ZMAT1: variants seen among roughly 807,000 people sequenced by gnomAD.
ZMAT1 encodes the protein zinc finger matrin-type protein 1.
A neutral mutation model predicts 18.5 loss-of-function variants in ZMAT1; 11 were observed. That is an observed-to-expected ratio of 0.59 (90% CI 0.37 to 0.98). The LOEUF is 0.98. ZMAT1 is among the 50% of genes least tolerant of loss of function. The pLI is 0.01. For synonymous variants in ZMAT1, 211 were observed against 176.4 expected (o/e 1.20, Z -1.55); for missense variants, 525 against 496.2 (o/e 1.06, Z -0.55).
chrX:101,917,689 T>A (rs1337386038), intron 1 of ZMAT1, among the ~76,000 whole-genome samples: 2 of 112,417 alleles, frequency 1.8e-5, no homozygotes, highest in Non-Finnish European at 3.8e-5. Flanking sequence ...CGCTGGGTAT[T>A]TACCCCAAAG....
chrX:101,898,338 C>G, intron 2 of ZMAT1, 118 bp from the exon 3 acceptor site: 1 of 554,807 alleles, frequency 1.8e-6, no homozygotes, highest in Non-Finnish European at 2.8e-6. Context: ...AAACTTGGTA[C>G]AGACTCACAT....
chrX:101,905,905 AC>A (rs1193308309), intron 1 of ZMAT1, among the ~76,000 whole-genome samples: 4 of 110,125 alleles, frequency 3.6e-5, no homozygotes, highest in Admixed American at 9.7e-5. Flanking sequence ...AAAAAAAAAA[AC>A]AAATATGTAG....
intron 1 of ZMAT1, among the ~76,000 whole-genome samples, chrX:101,922,763 C>T (rs1216656833): frequency 9.0e-6 from 1 of 110,889 alleles, no homozygotes; most frequent in Non-Finnish European, 1.9e-5. Flanking sequence ...ATGTTTCTTT[C>T]GATCCACCCG....
chrX:101,918,948 A>G (rs1163438528), intron 1 of ZMAT1, among the ~76,000 whole-genome samples: 6 of 110,907 alleles, frequency 5.4e-5, no homozygotes, highest in Non-Finnish European at 7.5e-5. Context: ...TAGTGCTCCT[A>G]TAACTTTTCG....
intron 2 of ZMAT1, among the ~76,000 whole-genome samples, chrX:101,899,979 T>G (rs904589672): frequency 8.9e-6 from 1 of 111,916 alleles, no homozygotes; most frequent in African/African-American, 3.3e-5. Flanking sequence ...TTATTTGATT[T>G]TTTTGATTAT....
intron 1 of ZMAT1, among the ~76,000 whole-genome samples, chrX:101,912,875 G>A (rs1603281637): frequency 1.8e-5 from 2 of 112,154 alleles, no homozygotes; most frequent in South Asian, 3.7e-4. Context: ...GAGTCTCACT[G>A]ACTTTGAGAT....
chrX:101,931,559 T>C, intron 1 of ZMAT1, 158 bp downstream of exon 1: 1 of 714,535 alleles, frequency 1.4e-6, no homozygotes, highest in Non-Finnish European at 1.6e-6. Flanking sequence ...CACTCGGGGC[T>C]AATACGGCGG....
At chrX:101,910,767 C>T (rs996060954) in intron 1 of ZMAT1, among the ~76,000 whole-genome samples, 1 of 111,554 alleles carries the variant, frequency 9.0e-6, no homozygotes, top group Non-Finnish European at 1.9e-5. Context: ...CAATGACACA[C>T]ACCTACAGGA....
At chrX:101,897,525 G>A (rs1334823767) in intron 4 of ZMAT1, among the ~76,000 whole-genome samples, 1 of 105,137 alleles carries the variant, frequency 9.5e-6, no homozygotes, top group Non-Finnish European at 2.0e-5. Context: ...AAGAGTAAAG[G>A]TGGAACAAAG....
At chrX:101,897,628 T>C (rs1346581745) in intron 4 of ZMAT1, among the ~76,000 whole-genome samples, 1 of 111,126 alleles carries the variant, frequency 9.0e-6, no homozygotes, top group East Asian at 2.8e-4. Flanking sequence ...TCACTTGCTT[T>C]TGTTTGAATT....
At chrX:101,898,348 T>G (rs1927979717) in intron 2 of ZMAT1, 128 bp from the exon 3 acceptor site, 1 of 509,860 alleles carries the variant, frequency 2.0e-6, no homozygotes, top group Non-Finnish European at 3.1e-6. Context: ...CAGACTCACA[T>G]GATTTCAAAT....
intron 4 of ZMAT1, chrX:101,888,008 T>C (rs924677235): frequency 9.0e-6 from 1 of 111,629 alleles, no homozygotes; most frequent in African/African-American, 3.3e-5. Context: ...CCCAGACTTC[T>C]TTGATAAAAA....
rs1163196131 is a variant in ZMAT1 at position 101,904,263 on chromosome X, C to A, written c.360G>T (p.Val120=). 8.3e-7 allele frequency: 1 copy of A among 1,206,956 alleles called. No individual in the cohort carries two copies. Among genetic ancestry groups the A allele is most frequent in the African/African-American group, 1.7e-5 (1 of 57,650 alleles). ...FTDKFCQVCG[V]MLQFESQRIS... ...TTCTTTGTGATTCAAACTGTAGCAT[C>A]ACTCCACATACTTGACAAAACTTAT... Residue 120 remains valine (V), a synonymous_variant, in exon 2 of 6, where the codon GTG becomes GTT. Transcript: ENST00000651725.
chrX:101,894,562 G>C lies in ZMAT1; in HGVS notation c.676+3306C>G. On this transcript the variant is annotated intron_variant, in intron 4 of 5. Coordinates refer to ENST00000651725, the MANE Select transcript of ZMAT1 (RefSeq NM_001394560.1). ...TGTGAATCTAATACTTGACAGAAAG[G>C]TCATAAGCATACAGATGAGAAATGA... 5.1e-6 allele frequency: 3 copies of C among 582,776 alleles called. No homozygotes were observed. In the South Asian group the frequency reaches 2.7e-4, roughly 53 times the overall value. The allele number at this position is 582,776 out of a possible 1,213,427, so 48.0% of individuals were successfully genotyped here.
intron 1 of ZMAT1, chrX:101,915,732 T>C (rs763248128): frequency 4.5e-5 from 5 of 111,728 alleles, no homozygotes; most frequent in Non-Finnish European, 9.4e-5. Context: ...TACTAAAAAG[T>C]CAAGAAACAA....
At chrX:101,893,598 A>C (rs1053790523) in intron 4 of ZMAT1, among the ~76,000 whole-genome samples, 71 of 112,031 alleles carry the variant, frequency 6.3e-4, no homozygotes, top group African/African-American at 2.2e-3. Flanking sequence ...TCTCTATTGA[A>C]GTGGTCCTAT....
In ZMAT1 at chrX:101,884,397, C is replaced by A. The variant is rs1465610166; in HGVS notation, c.1201G>T (p.Asp401Tyr). The A allele has an allele frequency of 1.7e-6, 2 of 1,209,091 alleles. No individual in the cohort carries two copies. The highest frequency in any genetic ancestry group is 2.2e-6 in the Non-Finnish European group (2 of 894,880). The change falls in exon 6 of 6, where the codon GAT becomes TAT. Residue 401 changes from aspartate to tyrosine, a missense_variant. Asp to Tyr is a radical substitution (Grantham distance 160). Transcript: ENST00000651725. ...VDTHGYREMV[D>Y]SGPRSRMCEQ... ...CACATTCTTGATCTGGGTCCAGAAT[C>A]AACCATTTCTCTGTACCCATGAGTA...
intron 1 of ZMAT1, among the ~76,000 whole-genome samples, chrX:101,904,976 C>G (rs910220325): frequency 4.5e-5 from 5 of 111,178 alleles, no homozygotes; most frequent in Non-Finnish European, 9.4e-5. Context: ...ACCAACCAAA[C>G]AAACAAAAAA....
chrX:101,919,525 G>A (rs899852454), intron 1 of ZMAT1, among the ~76,000 whole-genome samples: 2 of 111,590 alleles, frequency 1.8e-5, no homozygotes, highest in African/African-American at 6.5e-5. Context: ...ACTACGTGAT[G>A]CAATTCCTAA....
Sources: allele counts gnomAD v4.1 joint callset (sites outside exome capture counted in the v4.1 genomes callset), GRCh38; gene constraint gnomAD v4.1.1; transcripts MANE v1.5; gene names NCBI Gene and HGNC (gene_info 2026-07-23, HGNC 2026-07-21).